Variants in CERS6 observed in about 807,000 individuals in gnomAD.
The protein encoded by CERS6 is ceramide synthase 6.
CERS6 carries 26 observed loss-of-function variants against 56.8 expected under a neutral mutation model. The observed-to-expected ratio is 0.46, with a 90% CI of 0.34 to 0.63. The LOEUF (loss-of-function observed/expected upper bound fraction) is 0.63. Ranked by LOEUF, CERS6 falls within the 30% of genes least tolerant of loss-of-function variation. CERS6 has a pLI of 0.01. For missense variants in CERS6, 415 were observed against 467.5 expected, an observed-to-expected ratio of 0.89 and a Z score of 1.04; for synonymous variants, 164 against 173.3, an observed-to-expected ratio of 0.95 and a Z score of 0.42.
intron 6 of CERS6, among the ~76,000 whole-genome samples, chr2:168,714,228 T>G (rs1303815489): frequency 6.6e-6 from 1 of 152,216 alleles, no homozygotes. Context: ...CCCCACCTCC[T>G]AATATTATCG....
chr2:168,750,686 T>C (rs989454440), intron 8 of CERS6, among the ~76,000 whole-genome samples: 2 of 152,236 alleles, frequency 1.3e-5, no homozygotes, highest in African/African-American at 4.8e-5. Flanking sequence ...TGGCTTGCTA[T>C]TATAAATAAT....
intron 3 of CERS6, among the ~76,000 whole-genome samples, chr2:168,582,001 C>T (rs985725053): frequency 1.2e-4 from 19 of 152,224 alleles, no homozygotes; most frequent in Admixed American, 3.3e-4. Flanking sequence ...GGGCTAACTC[C>T]CCATGACCGT....
At chr2:168,496,806 T>C (rs1377363778) in intron 1 of CERS6, among the ~76,000 whole-genome samples, 1 of 152,216 alleles carries the variant, frequency 6.6e-6, no homozygotes, top group African/African-American at 2.4e-5. Context: ...TCTAGATTAG[T>C]TTGGGGCTTC....
At chr2:168,765,830 AT>A in intron 9 of CERS6, 82 bp downstream of exon 9, 1 of 1,232,032 alleles carries the variant, frequency 8.1e-7, no homozygotes, top group Non-Finnish European at 1.1e-6. Flanking sequence ...TTACTATTCC[AT>A]ATTTCATCAA....
chr2:168,522,056 A>T (rs1694992874), intron 1 of CERS6, among the ~76,000 whole-genome samples: 2 of 152,182 alleles, frequency 1.3e-5, no homozygotes, highest in Admixed American at 1.3e-4. Flanking sequence ...CACAGTGGGA[A>T]AATTTATTGC....
chr2:168,481,312 G>T (rs946262777), intron 1 of CERS6, among the ~76,000 whole-genome samples: 1 of 152,220 alleles, frequency 6.6e-6, no homozygotes, highest in African/African-American at 2.4e-5. Context: ...CTACTCTGGA[G>T]GCTGAGGCAG....
intron 8 of CERS6, among the ~76,000 whole-genome samples, chr2:168,737,052 C>T (rs967432930): frequency 2.0e-5 from 3 of 152,150 alleles, no homozygotes; most frequent in Admixed American, 6.5e-5. Context: ...ACTTTTTATC[C>T]GATCCTGTGA....
chr2:168,721,568 T>A (rs1480000064), intron 8 of CERS6, among the ~76,000 whole-genome samples: 2 of 25,214 alleles, frequency 7.9e-5, no homozygotes, highest in African/African-American at 1.3e-4. Flanking sequence ...TTTTTTTTGT[T>A]TAAAAAAAAC....
At chr2:168,699,525 T>C (rs1686752188) in intron 6 of CERS6, among the ~76,000 whole-genome samples, 1 of 152,226 alleles carries the variant, frequency 6.6e-6, no homozygotes, top group Admixed American at 6.5e-5. Context: ...GACAATCATT[T>C]ATTTTGATTT....
intron 1 of CERS6, among the ~76,000 whole-genome samples, chr2:168,474,362 A>C (rs1694030343): frequency 6.6e-6 from 1 of 152,214 alleles, no homozygotes; most frequent in African/African-American, 2.4e-5. Context: ...AAAGAAGTAG[A>C]ATTGCTGGAT....
chr2:168,537,428 T>C (rs1262117221), intron 1 of CERS6, among the ~76,000 whole-genome samples: 1 of 152,234 alleles, frequency 6.6e-6, no homozygotes, highest in African/African-American at 2.4e-5. Flanking sequence ...CTCTTTAATT[T>C]ACTTTTCTTA....
chr2:168,664,393 G>C (rs1193078228), intron 4 of CERS6, among the ~76,000 whole-genome samples: 2 of 152,162 alleles, frequency 1.3e-5, no homozygotes, highest in South Asian at 4.1e-4. Flanking sequence ...TACAAAAAAG[G>C]GGTCCCAATC....
chr2:168,644,318 A>G (rs1236030904), intron 4 of CERS6: 1 of 985,058 alleles, frequency 1.0e-6, no homozygotes, highest in African/African-American at 1.7e-5. Flanking sequence ...AATAATAGAA[A>G]GTGGTAAGTC....
chr2:168,716,470 GA>G (rs1047226532), intron 7 of CERS6, among the ~76,000 whole-genome samples: 1 of 151,102 alleles, frequency 6.6e-6, no homozygotes, highest in Non-Finnish European at 1.5e-5. Flanking sequence ...CTTGTATCCA[GA>G]AAAAAAAATT....
chr2:168,463,416 A>T (rs1693812059), intron 1 of CERS6, among the ~76,000 whole-genome samples: 1 of 152,092 alleles, frequency 6.6e-6, no homozygotes, highest in Non-Finnish European at 1.5e-5. Context: ...TTTTTGTTCG[A>T]TATTTAGGCC....
chr2:168,547,744 C>A (rs771588079), intron 2 of CERS6, 43 bp downstream of exon 2: 3 of 1,279,786 alleles, frequency 2.3e-6, no homozygotes, highest in South Asian at 2.4e-5. Flanking sequence ...CCCCGGTCAC[C>A]ATTCTCAGCC....
At chr2:168,576,499 A>G (rs1258241525) in intron 3 of CERS6, among the ~76,000 whole-genome samples, 1 of 152,132 alleles carries the variant, frequency 6.6e-6, no homozygotes, top group Non-Finnish European at 1.5e-5. Flanking sequence ...CTTCCCTTCA[A>G]TTTCTTTTAT....
At chr2:168,504,729 T>G (rs1432229200) in intron 1 of CERS6, among the ~76,000 whole-genome samples, 1 of 152,126 alleles carries the variant, frequency 6.6e-6, no homozygotes, top group Non-Finnish European at 1.5e-5. Context: ...ATTTGGTTTC[T>G]GGACAGGCAG....
chr2:168,732,361 G>C (rs570967003), intron 8 of CERS6, among the ~76,000 whole-genome samples: 1 of 152,144 alleles, frequency 6.6e-6, no homozygotes, highest in African/African-American at 2.4e-5. Flanking sequence ...CCTGGTGCTG[G>C]TGCCTCTTGC....
Sources: gnomAD v4.1 joint callset for allele counts (sites outside exome capture counted in the v4.1 genomes callset) on GRCh38, gnomAD v4.1.1 for gene constraint, MANE v1.5 for transcripts, NCBI Gene and HGNC (gene_info 2026-07-23, HGNC 2026-07-21) for gene names.